BACH1: variants seen among roughly 807,000 people sequenced by gnomAD.
The protein encoded by BACH1 is BTB domain and CNC homolog 1.
BACH1 carries 35 observed loss-of-function variants against 52.9 expected under a neutral mutation model. The observed-to-expected ratio is 0.66, with a 90% CI of 0.51 to 0.88. The LOEUF (loss-of-function observed/expected upper bound fraction) is 0.88. Among genes scored for constraint, BACH1 ranks in the 40% least tolerant of loss-of-function variants. The probability of loss-of-function intolerance (pLI) is 0.00; values close to 1 mark genes in which losing one functional copy is unlikely to be tolerated. For synonymous variants in BACH1, 321 were observed against 319.6 expected, an observed-to-expected ratio of 1.00 and a Z score of -0.05; for missense variants, 808 against 872.6, an observed-to-expected ratio of 0.93 and a Z score of 0.93.
chr21:29,360,404 G>A (rs977712720), intron 2 of BACH1, among the ~76,000 whole-genome samples: 4 of 152,094 alleles, frequency 2.6e-5, no homozygotes, highest in Non-Finnish European at 5.9e-5. Context: ...CTATTTTGTC[G>A]GCGGCCTCAG....
chr21:29,301,328 A>G (rs1191754988), intron 1 of BACH1, among the ~76,000 whole-genome samples: 1 of 152,238 alleles, frequency 6.6e-6, no homozygotes, highest in Admixed American at 6.5e-5. Flanking sequence ...TTCATATTAT[A>G]TAATGCGCGT....
At chr21:29,301,967 C>T (rs2088608702) in intron 1 of BACH1, among the ~76,000 whole-genome samples, 1 of 152,134 alleles carries the variant, frequency 6.6e-6, no homozygotes, top group Non-Finnish European at 1.5e-5. Flanking sequence ...GTGCCTTCTA[C>T]ACCCCTGTAC....
intron 1 of BACH1, among the ~76,000 whole-genome samples, chr21:29,317,177 A>G (rs2088797430): frequency 6.6e-6 from 1 of 152,364 alleles, no homozygotes; most frequent in South Asian, 2.1e-4. Flanking sequence ...GGTCTGAAAC[A>G]GTTTCATCCT....
chr21:29,348,566 G>A (rs1048493580), downstream of BACH1, among the ~76,000 whole-genome samples: 1 of 152,154 alleles, frequency 6.6e-6, no homozygotes, highest in Non-Finnish European at 1.5e-5. Context: ...CTCAAAAAGG[G>A]CTTAATTTTG....
At position 29,327,145 on chromosome 21, in the gene BACH1, A is replaced by G. The variant is rs759570045; in HGVS notation, c.1321A>G (p.Arg441Gly). 1 of 1,614,284 alleles carries G rather than the reference A, an allele frequency of 6.2e-7. No homozygotes were observed. The highest frequency in any genetic ancestry group is 1.1e-5 in the South Asian group (1 of 91,090). The change falls in exon 3 of 5, where the codon AGG becomes GGG. Residue 441 changes from arginine to glycine, a missense_variant. Transcript: ENST00000286800. Reference sequence around the variant, plus strand: ...GTCTGAGTGTCCGTGGTTAGGTATCAGGATTAGTGAGAGCCCAGAACCAGG... The same window carrying G: ...GTCTGAGTGTCCGTGGTTAGGTATCGGGATTAGTGAGAGCCCAGAACCAGG... Reference protein sequence around the residue: ...KRSECPWLGIRISESPEPGQR... With the variant: ...KRSECPWLGIGISESPEPGQR...
intron 4 of BACH1, among the ~76,000 whole-genome samples, chr21:29,338,067 T>C (rs957119764): frequency 6.6e-6 from 1 of 152,090 alleles, no homozygotes; most frequent in South Asian, 2.1e-4. Flanking sequence ...ATAATATAAA[T>C]AAACAATAAA....
rs181967172 is a variant in BACH1, at chr21:29,351,257, A to G, written c.472+21564A>G. Among the ~76,000 whole-genome samples, 168 of 152,284 alleles carry G rather than the reference A, an allele frequency of 1.1e-3. 1 individual carries two copies. Among genetic ancestry groups the G allele is most frequent in the African/African-American group, 3.6e-3 (150 of 41,542 alleles). On this transcript the variant is annotated intron_variant, in intron 2 of 4. Transcript: ENST00000422809. Reference sequence around the variant, plus strand: ...TCTTGATATGCAGGTTTCCCATGTGATGTGAATCTCTTGGCAGGAGATCCT... The same window carrying G: ...TCTTGATATGCAGGTTTCCCATGTGGTGTGAATCTCTTGGCAGGAGATCCT...
intron 2 of BACH1, among the ~76,000 whole-genome samples, chr21:29,356,723 A>T (rs896160731): frequency 1.3e-5 from 2 of 152,290 alleles, no homozygotes; most frequent in Non-Finnish European, 2.9e-5. Flanking sequence ...CCTTGTTTAC[A>T]CTGACAACAA....
At chr21:29,321,712 A>G (rs562120957) in intron 2 of BACH1, among the ~76,000 whole-genome samples, 198 bp downstream of exon 2, 1 of 145,964 alleles carries the variant, frequency 6.9e-6, no homozygotes, top group African/African-American at 2.6e-5. Flanking sequence ...AACATTACTG[A>G]GCAGTTGGAT....
chr21:29,360,526 T>C (rs1225619261), intron 2 of BACH1, among the ~76,000 whole-genome samples: 2 of 152,116 alleles, frequency 1.3e-5, no homozygotes, highest in Non-Finnish European at 2.9e-5. Context: ...ATCTTGTCAG[T>C]GAGGCTCCCC....
rs764495595 is a variant in BACH1, at chr21:29,326,611, T to G, written c.787T>G (p.Cys263Gly). The change falls in exon 3 of 5, where the codon TGC (cysteine) becomes GGC (glycine). Residue 263 changes from cysteine (C) to glycine (G), a missense_variant. Transcript: ENST00000286800. ...VQPNERSENECLGGVPECRDL... is the reference protein window; with the variant it reads ...VQPNERSENEGLGGVPECRDL... Reference sequence around the variant, plus strand: ...GCCAAATGAAAGGTCTGAAAATGAATGCCTGGGAGGAGTCCCGGAGTGTAG... The same window carrying G: ...GCCAAATGAAAGGTCTGAAAATGAAGGCCTGGGAGGAGTCCCGGAGTGTAG... 55 of 1,614,102 alleles carry G rather than the reference T, an allele frequency of 3.4e-5. No individual in the cohort carries two copies. The highest frequency in any genetic ancestry group is 4.2e-5 in the Non-Finnish European group (49 of 1,180,044).
At position 29,327,011 on chromosome 21, in the gene BACH1, A is replaced by G. The variant is rs1478009592; in HGVS notation, c.1187A>G (p.His396Arg). The G allele has an allele frequency of 6.2e-7, 1 of 1,614,030 alleles. No individual in the cohort carries two copies. Among genetic ancestry groups the G allele is most frequent in the South Asian group, 1.1e-5 (1 of 91,076 alleles). ...RSSVEREVAE[H>R]LAKGFWSDIC... The stretch of plus-strand genomic sequence containing the variant: ...AGTGTGGAGCGAGAAGTGGCAGAAC[A>G]CCTAGCAAAAGGCTTCTGGAGTGAC... The change falls in exon 3 of 5, where the codon CAC (histidine) becomes CGC (arginine). Residue 396 changes from histidine (H) to arginine (R), a missense_variant. Physicochemically the swap from His to Arg is conservative, Grantham distance 29. Coordinates refer to ENST00000286800, the MANE Select transcript of BACH1 (RefSeq NM_001186.4).
At chr21:29,352,576 C>T (rs1044201720) in intron 2 of BACH1, 1 of 152,186 alleles carries the variant, frequency 6.6e-6, no homozygotes, top group Non-Finnish European at 1.5e-5. Flanking sequence ...CTCTGTTGCC[C>T]AGGCTGGAGT....
In BACH1 at chr21:29,344,064, A is replaced by T. The variant is rs552232753; in HGVS notation, c.*1231A>T. 6.6e-6 allele frequency: 1 copy of T among 152,376 alleles called. No individual in the cohort carries two copies. The highest frequency in any genetic ancestry group is 2.1e-4 in the South Asian group (1 of 4,830). The allele number at this position is 152,376 out of a possible 1,614,324, so 9.4% of individuals were successfully genotyped here. A position where few individuals can be genotyped will look rare whatever the true frequency, so the allele number is the denominator to read the frequency against. Reference sequence around the variant, plus strand: ...TGTTTGTTCAGTCCTGTTACAAAATAGATAACTGAGCACCTATCGCATAAC... The same window carrying T: ...TGTTTGTTCAGTCCTGTTACAAAATTGATAACTGAGCACCTATCGCATAAC... On this transcript the variant is annotated 3_prime_UTR_variant, in exon 5 of 5. Coordinates refer to ENST00000286800, the MANE Select transcript of BACH1 (RefSeq NM_001186.4).
chr21:29,308,010 G>A (rs888194070), intron 1 of BACH1, among the ~76,000 whole-genome samples: 1 of 152,206 alleles, frequency 6.6e-6, no homozygotes, highest in African/African-American at 2.4e-5. Flanking sequence ...ATAGAATTTA[G>A]AAAGACTTGT....
rs373537469 is a variant in BACH1, at chr21:29,326,298, A to G, written c.474A>G (p.Ser158=). The change falls in exon 3 of 5, where the codon TCA becomes TCG. Residue 158 remains serine, a synonymous_variant. Coordinates refer to ENST00000286800, the MANE Select transcript of BACH1 (RefSeq NM_001186.4). ...SHCQKTDLKL[S]LLDQRDLETD... ...GTCAGAAAACAGACCTTAAACTTTC[A>G]CTTTTGGACCAGAGGGATCTAGAAA... 5 of 1,614,154 alleles carry G rather than the reference A, an allele frequency of 3.1e-6. No homozygotes were observed. The highest frequency in any genetic ancestry group is 3.4e-6 in the Non-Finnish European group (4 of 1,180,024).
At chr21:29,337,658 T>A (rs902207817) in intron 4 of BACH1, among the ~76,000 whole-genome samples, 3 of 152,152 alleles carry the variant, frequency 2.0e-5, no homozygotes, top group Admixed American at 1.3e-4. Context: ...ATGAGAACAC[T>A]TGGACACAGG....
chr21:29,300,370 T>G (rs2088589896), intron 1 of BACH1, among the ~76,000 whole-genome samples: 1 of 152,154 alleles, frequency 6.6e-6, no homozygotes, highest in African/African-American at 2.4e-5. Flanking sequence ...GTGCAAATAC[T>G]CTCATCACAT....
chr21:29,311,977 A>G (rs1404708590), intron 1 of BACH1, among the ~76,000 whole-genome samples: 2 of 152,270 alleles, frequency 1.3e-5, no homozygotes, highest in Admixed American at 6.5e-5. Context: ...TCCTCAAGTT[A>G]TAAAGTGCTA....
Sources: gnomAD v4.1 joint callset for allele counts (sites outside exome capture counted in the v4.1 genomes callset) on GRCh38, gnomAD v4.1.1 for gene constraint, MANE v1.5 for transcripts, NCBI Gene and HGNC (gene_info 2026-07-23, HGNC 2026-07-21) for gene names.